GPR143: variants seen among roughly 807,000 people sequenced by gnomAD.
The protein encoded by GPR143 is G-protein coupled receptor 143.
A neutral mutation model predicts 27.6 loss-of-function variants in GPR143; 8 were observed. The ratio of observed to expected loss-of-function variants is 0.29; its 90% confidence interval spans 0.17 to 0.52. The LOEUF (loss-of-function observed/expected upper bound fraction) is 0.52, where lower values mean the gene tolerates loss of function less well. Among genes scored for constraint, GPR143 ranks in the 20% least tolerant of loss-of-function variants. GPR143 has a pLI of 0.96. For synonymous variants in GPR143, 156 were observed against 153.2 expected, an observed-to-expected ratio of 1.02 and a Z score of -0.13; for missense variants, 303 against 343.1, an observed-to-expected ratio of 0.88 and a Z score of 0.92.
intron 1 of GPR143, among the ~76,000 whole-genome samples, chrX:9,762,873 C>T (rs890872964): frequency 9.0e-6 from 1 of 111,717 alleles, no homozygotes; most frequent in African/African-American, 3.3e-5. Flanking sequence ...CTCGCAACCT[C>T]ATCCACTTCC....
intron 8 of GPR143, among the ~76,000 whole-genome samples, chrX:9,729,728 G>A (rs929290968): frequency 2.7e-5 from 3 of 111,805 alleles, no homozygotes; most frequent in East Asian, 5.6e-4. Flanking sequence ...AAGATCTAAC[G>A]TCCCTGCAGG....
chrX:9,774,952 C>G (rs910301172), intron 1 of GPR143, among the ~76,000 whole-genome samples: 5 of 111,025 alleles, frequency 4.5e-5, no homozygotes, highest in Non-Finnish European at 9.4e-5. Flanking sequence ...CAGCCTTGAC[C>G]TCCCGGGCTC....
chrX:9,753,840 A>C (rs1156434277), intron 3 of GPR143, among the ~76,000 whole-genome samples: 1 of 111,485 alleles, frequency 9.0e-6, no homozygotes, highest in African/African-American at 3.3e-5. Context: ...CAGCTACTAC[A>C]TGCTTCCCGA....
At chrX:9,759,847 G>A (rs1199749444) in intron 2 of GPR143, among the ~76,000 whole-genome samples, 2 of 110,949 alleles carry the variant, frequency 1.8e-5, no homozygotes, top group Non-Finnish European at 3.8e-5. Flanking sequence ...AAGATGTCTC[G>A]CCACTGCGGG....
intron 1 of GPR143, among the ~76,000 whole-genome samples, chrX:9,764,758 G>A (rs904448861): frequency 1.6e-4 from 18 of 111,652 alleles, no homozygotes; most frequent in Non-Finnish European, 2.8e-4. Context: ...CGGGCGCGGT[G>A]GCTTACGCCT....
chrX:9,775,063 T>G (rs1012927267), intron 1 of GPR143, among the ~76,000 whole-genome samples: 1 of 111,541 alleles, frequency 9.0e-6, no homozygotes, highest in African/African-American at 3.3e-5. Context: ...GGTCTTACTA[T>G]GTTGCACAGG....
At chrX:9,740,111 G>T (rs750910171) in intron 7 of GPR143, among the ~76,000 whole-genome samples, 74 of 111,654 alleles carry the variant, frequency 6.6e-4, no homozygotes, top group South Asian at 1.5e-3. Context: ...AGGGAGCGCT[G>T]TAGCACAGGG....
At chrX:9,755,308 C>T (rs997177791) in intron 3 of GPR143, among the ~76,000 whole-genome samples, 7 of 111,488 alleles carry the variant, frequency 6.3e-5, no homozygotes, top group Non-Finnish European at 1.3e-4. Flanking sequence ...ATCCCAGCTA[C>T]GTGGGAAACT....
intron 3 of GPR143, among the ~76,000 whole-genome samples, chrX:9,749,775 GTAGGGGT>G (rs1364322117): frequency 9.1e-6 from 1 of 109,803 alleles, no homozygotes; most frequent in African/African-American, 3.3e-5. Flanking sequence ...TCCTCTTTTT[GTAGGGGT>G]TAGGGGTCAG....
rs764038259 is a variant in GPR143, at chrX:9,760,710, G to A, written c.360+7C>T. The stretch of plus-strand genomic sequence containing the variant: ...GAGGAGAGGGCATGCAGAGGGGGTG[G>A]ACTCACCGCACTCCCCACGCAGAAA... On this transcript the variant is annotated splice_region_variant and intron_variant, in intron 2 of 8. Transcript: ENST00000467482. 1.9e-6 allele frequency: 2 copies of A among 1,037,592 alleles called. No homozygotes were observed. The highest frequency in any genetic ancestry group is 4.5e-5 in the Admixed American group (2 of 44,169). 85.5% of individuals were successfully genotyped at this position (1,037,592 alleles called of 1,213,427 possible).
intron 8 of GPR143, among the ~76,000 whole-genome samples, chrX:9,728,201 A>C (rs2083336960): frequency 9.0e-6 from 1 of 111,230 alleles, no homozygotes; most frequent in African/African-American, 3.3e-5. Context: ...CTAATGCCCC[A>C]GACAACACCT....
chrX:9,746,834 G>A (rs2083430483), intron 4 of GPR143, among the ~76,000 whole-genome samples: 1 of 108,635 alleles, frequency 9.2e-6, no homozygotes, highest in Non-Finnish European at 1.9e-5. Flanking sequence ...CACAGAGGAA[G>A]AGGAAACTGA....
At chrX:9,770,323 A>AAGAGAGAG (rs201287124), upstream of GPR143, among the ~76,000 whole-genome samples, 1,229 of 88,968 alleles carry the variant, frequency 0.014, 25 homozygotes, top group African/African-American at 0.031. Context: ...AAGAAAGAAA[A>AAGAGAGAG]AGAGAGAGAG....
intron 8 of GPR143, among the ~76,000 whole-genome samples, chrX:9,727,961 T>C (rs757360942): frequency 7.1e-5 from 8 of 112,859 alleles, no homozygotes; most frequent in Non-Finnish European, 1.3e-4. Flanking sequence ...GATTTTCTCA[T>C]GGCTCCTACA....
intron 1 of GPR143, among the ~76,000 whole-genome samples, chrX:9,771,792 A>T (rs1180022216): frequency 2.0e-5 from 2 of 100,783 alleles, no homozygotes; most frequent in Non-Finnish European, 4.0e-5. Context: ...GCTCACTGCA[A>T]CCTCCGCCTC....
Position 9,749,226 on chromosome X carries a change from T to TCCCCC in GPR143, c.456-565_456-561dup, listed in dbSNP as rs1315734826. Among the ~76,000 whole-genome samples the TCCCCC allele has an allele frequency of 2.0e-3, 146 of 72,981 alleles. 1 individual carries two copies. The highest frequency in any genetic ancestry group is 7.7e-3 in the African/African-American group (140 of 18,065). 63.4% of individuals were successfully genotyped at this position (72,981 alleles called of 115,157 possible). ...TGATGGTTTTATAAGGGGATTTCCC[T>TCCCCC]CCCCCCCCAACCCCCTCCGGCCCCC... On this transcript the variant is annotated intron_variant, in intron 3 of 8. Transcript: ENST00000467482.
chrX:9,772,420 AGTT>A (rs768078757), intron 1 of GPR143, among the ~76,000 whole-genome samples: 8 of 112,024 alleles, frequency 7.1e-5, no homozygotes, highest in Non-Finnish European at 1.5e-4. Context: ...TCAACTAGTC[AGTT>A]GTTAACTGTG....
chrX:9,773,508 CACAT>C (rs1252064892), intron 1 of GPR143, among the ~76,000 whole-genome samples: 6 of 100,115 alleles, frequency 6.0e-5, no homozygotes, highest in East Asian at 6.5e-4. Flanking sequence ...CACACACACA[CACAT>C]AAACACACAC....
intron 8 of GPR143, among the ~76,000 whole-genome samples, chrX:9,726,175 G>A (rs187904206): frequency 1.8e-5 from 2 of 110,408 alleles, no homozygotes; most frequent in East Asian, 5.7e-4. Flanking sequence ...CAGAGCCCCA[G>A]GACACGTGCT....
Sources: gnomAD v4.1 joint callset for allele counts (sites outside exome capture counted in the v4.1 genomes callset) on GRCh38, gnomAD v4.1.1 for gene constraint, MANE v1.5 for transcripts, NCBI Gene and HGNC (gene_info 2026-07-23, HGNC 2026-07-21) for gene names.